Variants in CES5A observed in about 807,000 individuals in gnomAD.
CES5A encodes carboxylesterase 5A.
A neutral mutation model predicts 62.9 loss-of-function variants in CES5A; 67 were observed. That is an observed-to-expected ratio of 1.07 (90% CI 0.88 to 1.31). The LOEUF is 1.31. Among genes scored for constraint, CES5A ranks in the 50% most tolerant of loss-of-function variants. The probability of loss-of-function intolerance (pLI) is 0.00; values close to 1 mark genes in which losing one functional copy is unlikely to be tolerated. For synonymous variants in CES5A, 296 were observed against 280.8 expected, an observed-to-expected ratio of 1.05 and a Z score of -0.54; for missense variants, 748 against 708.5, an observed-to-expected ratio of 1.06 and a Z score of -0.63.
chr16:55,938,660 C>G (rs1410801277), intron 2 of CES5A, among the ~76,000 whole-genome samples: 2 of 137,420 alleles, frequency 1.5e-5, no homozygotes, highest in African/African-American at 5.5e-5. Context: ...TGGTGTGAAC[C>G]CGGGGGCAGA....
rs370598740 is a variant in CES5A, at chr16:55,910,740, G to C, written c.-256+14583C>G. On this transcript the variant is annotated intron_variant, in intron 1 of 12. Coordinates refer to the CES5A transcript ENST00000518005. ...GAAGTCTATTTCTCTTTCTGGCAAAGCATGGCTGATGCTGCAGGAGCTATG... is the reference window on the plus strand; with the variant it reads ...GAAGTCTATTTCTCTTTCTGGCAAACCATGGCTGATGCTGCAGGAGCTATG... Among the ~76,000 whole-genome samples, 27 of 152,312 alleles carry C rather than the reference G, an allele frequency of 1.8e-4. No individual in the cohort carries two copies. The South Asian group carries it at 5.6e-3, about 32-fold the overall frequency.
At chr16:55,954,661 T>C (rs533217613) in intron 1 of CES5A, among the ~76,000 whole-genome samples, 3 of 151,890 alleles carry the variant, frequency 2.0e-5, no homozygotes, top group Non-Finnish European at 4.4e-5. Context: ...GGGAGAGAGG[T>C]GTGGAACCTC....
At chr16:55,890,265 A>G (rs1301839620) in intron 1 of CES5A, among the ~76,000 whole-genome samples, 2 of 152,222 alleles carry the variant, frequency 1.3e-5, no homozygotes, top group Non-Finnish European at 2.9e-5. Context: ...TTTTGAGTGT[A>G]AGAAATACCC....
chr16:55,893,933 A>G (rs918455320), intron 1 of CES5A, among the ~76,000 whole-genome samples: 2 of 152,154 alleles, frequency 1.3e-5, no homozygotes, highest in Non-Finnish European at 2.9e-5. Context: ...TCCTTAGTAT[A>G]TTATAATAAA....
chr16:55,933,104 C>A (rs1008677181), intron 2 of CES5A, among the ~76,000 whole-genome samples: 4 of 152,144 alleles, frequency 2.6e-5, no homozygotes, highest in Non-Finnish European at 5.9e-5. Context: ...GCAGCTCTAC[C>A]ATTTGGAATA....
chr16:55,898,871 T>G (rs897381190), intron 1 of CES5A, among the ~76,000 whole-genome samples: 6 of 152,080 alleles, frequency 3.9e-5, no homozygotes, highest in Non-Finnish European at 1.5e-5. Context: ...GACCACTGTG[T>G]GTCTGGCACT....
chr16:55,898,719 C>T (rs1196921861), intron 1 of CES5A, among the ~76,000 whole-genome samples: 2 of 152,188 alleles, frequency 1.3e-5, no homozygotes, highest in African/African-American at 4.8e-5. Context: ...GGGGCCACTG[C>T]CTTAGTCAAT....
At chr16:55,946,946 G>C (rs2034501734) in intron 2 of CES5A, among the ~76,000 whole-genome samples, 1 of 152,182 alleles carries the variant, frequency 6.6e-6, no homozygotes, top group South Asian at 2.1e-4. Context: ...AGCTGCTGCT[G>C]ACTTCACATC....
At chr16:55,876,568 C>T (rs2033697236), upstream of CES5A, among the ~76,000 whole-genome samples, 1 of 152,036 alleles carries the variant, frequency 6.6e-6, no homozygotes, top group African/African-American at 2.4e-5. Flanking sequence ...GACATAGGTC[C>T]TAAAGGGATA....
At chr16:55,892,728 A>C (rs927373261) in intron 1 of CES5A, among the ~76,000 whole-genome samples, 34 of 152,196 alleles carry the variant, frequency 2.2e-4, no homozygotes, top group African/African-American at 7.5e-4. Context: ...CAACAACAAA[A>C]AAAAATAGTG....
chr16:55,925,008 T>A (rs1341055167), intron 1 of CES5A, among the ~76,000 whole-genome samples: 1 of 151,956 alleles, frequency 6.6e-6, no homozygotes, highest in African/African-American at 2.4e-5. Context: ...AAAGCAAAGA[T>A]AGACAAATAG....
Position 55,871,697 on chromosome 16 carries a change from GA to G in CES5A, c.344del (p.Phe115SerfsTer10). The G allele has an allele frequency of 6.2e-7, 1 of 1,614,078 alleles. No homozygotes were observed. Among genetic ancestry groups the G allele is most frequent in the South Asian group, 1.1e-5 (1 of 91,058 alleles). ...QHMLKVHYPK[F>X]GVSEDCLYLN... Reference sequence around the variant, plus strand: ...GGTAGAGGCAGTCTTCTGACACTCCGAATTTCGGGTAATGCACCTTGAGCAT... The same window carrying G: ...GGTAGAGGCAGTCTTCTGACACTCCGATTTCGGGTAATGCACCTTGAGCAT... On this transcript the variant is annotated frameshift_variant, in exon 3 of 13. Transcript: ENST00000290567. LOFTEE classifies it high-confidence loss of function.
chr16:55,947,552 A>G (rs1488284895), intron 2 of CES5A, among the ~76,000 whole-genome samples: 1 of 152,156 alleles, frequency 6.6e-6, no homozygotes, highest in Non-Finnish European at 1.5e-5. Flanking sequence ...TAAATAAACA[A>G]GGAAATCCAT....
At chr16:55,859,959 T>C (rs2033319362) in intron 7 of CES5A, among the ~76,000 whole-genome samples, 2 of 152,288 alleles carry the variant, frequency 1.3e-5, no homozygotes, top group South Asian at 2.1e-4. Flanking sequence ...AGAAAAACAG[T>C]GGCCTGTTAT....
chr16:55,902,610 C>T (rs1226670239), intron 1 of CES5A, among the ~76,000 whole-genome samples: 1 of 152,192 alleles, frequency 6.6e-6, no homozygotes. Flanking sequence ...CCAGAAGATA[C>T]TCAGGATGGA....
chr16:55,890,818 C>T (rs768828977), intron 1 of CES5A, among the ~76,000 whole-genome samples: 21 of 152,210 alleles, frequency 1.4e-4, no homozygotes, highest in South Asian at 4.1e-4. Flanking sequence ...GAGTTTATTT[C>T]GCCAAGGTTG....
rs187578500 is a variant in CES5A at position 55,911,234 on chromosome 16, G to A, written c.-256+14089C>T. On this transcript the variant is annotated intron_variant, in intron 1 of 12. Transcript: ENST00000518005. ...GTGTCCCAGGTATATCTGTGCTCCC[G>A]CTTACAGACAGGAAAACAGAAGATA... is the stretch of plus-strand genomic sequence containing the variant. Among the ~76,000 whole-genome samples, 44 of 152,228 alleles carry A rather than the reference G, an allele frequency of 2.9e-4. No homozygotes were observed. In the East Asian group the frequency reaches 6.8e-3, roughly 23 times the overall value.
upstream of CES5A, among the ~76,000 whole-genome samples, chr16:55,877,669 A>G (rs773705669): frequency 6.6e-6 from 1 of 152,146 alleles, no homozygotes; most frequent in Non-Finnish European, 1.5e-5. Context: ...GTAAGGAATC[A>G]ATGCCTCTAG....
intron 11 of CES5A, 126 bp from the exon 12 acceptor site, chr16:55,846,966 C>T (rs1281275229): frequency 4.9e-6 from 4 of 811,054 alleles, no homozygotes; most frequent in Non-Finnish European, 6.2e-6. Context: ...TACCAAGTCA[C>T]TGTACCCATT....
Sources: allele counts gnomAD v4.1 joint callset (sites outside exome capture counted in the v4.1 genomes callset), GRCh38; gene constraint gnomAD v4.1.1; transcripts MANE v1.5; gene names NCBI Gene and HGNC (gene_info 2026-07-23, HGNC 2026-07-21).